The following SETBP1 variants were observed in gnomAD, a reference collection of about 807,000 sequenced individuals.
SETBP1 encodes the protein SET-binding protein.
SETBP1 carries 9 observed loss-of-function variants against 101.0 expected under a neutral mutation model. The observed-to-expected ratio is 0.09, with a 90% CI of 0.05 to 0.16. The LOEUF (loss-of-function observed/expected upper bound fraction) is 0.16. SETBP1 is among the 10% of genes least tolerant of loss of function. SETBP1 has a pLI of 1.00. For missense variants in SETBP1, 1,858 were observed against 2,033.8 expected, an observed-to-expected ratio of 0.91 and a Z score of 1.66; for synonymous variants, 818 against 788.5, an observed-to-expected ratio of 1.04 and a Z score of -0.63.
intron 2 of SETBP1, among the ~76,000 whole-genome samples, chr18:44,742,021 T>G (rs1220482066): frequency 6.6e-6 from 1 of 152,236 alleles, no homozygotes; most frequent in Non-Finnish European, 1.5e-5. Flanking sequence ...TAGACTCCCC[T>G]GTCTGGGCAG....
chr18:45,067,534 G>A lies in SETBP1; in HGVS notation c.*3836G>A, dbSNP rs373619763. On this transcript the variant is annotated 3_prime_UTR_variant, in exon 6 of 6. Coordinates refer to ENST00000649279, the MANE Select transcript of SETBP1 (RefSeq NM_015559.3). ...CGTTGCAGGATTTTCAGTCCTTCTC[G>A]TTATGTAAAAGTAGATAAATATAGA... The A allele has an allele frequency of 2.0e-5, 3 of 152,206 alleles. No homozygotes were observed. The highest frequency in any genetic ancestry group is 3.9e-4 in the East Asian group (2 of 5,178). 9.4% of individuals were successfully genotyped at this position (152,206 alleles called of 1,614,324 possible). A position where few individuals can be genotyped will look rare whatever the true frequency, so the allele number is the denominator to read the frequency against.
At chr18:44,759,697 G>T (rs757265372) in intron 2 of SETBP1, among the ~76,000 whole-genome samples, 2 of 152,206 alleles carry the variant, frequency 1.3e-5, no homozygotes, top group Non-Finnish European at 2.9e-5. Context: ...AAGGCAATTT[G>T]ATTGAAGAAC....
intron 2 of SETBP1, among the ~76,000 whole-genome samples, chr18:44,782,268 C>T (rs780066172): frequency 6.6e-6 from 1 of 151,932 alleles, no homozygotes; most frequent in Non-Finnish European, 1.5e-5. Flanking sequence ...AACTTTCACA[C>T]CCTGATAAGG....
At chr18:44,996,902 C>G (rs548743147) in intron 4 of SETBP1, among the ~76,000 whole-genome samples, 1 of 152,302 alleles carries the variant, frequency 6.6e-6, no homozygotes, top group Admixed American at 6.5e-5. Context: ...AAATAATGGA[C>G]ACTCCTGTGC....
intron 5 of SETBP1, among the ~76,000 whole-genome samples, chr18:45,043,283 C>T (rs541527963): frequency 6.6e-6 from 1 of 152,040 alleles, no homozygotes; most frequent in African/African-American, 2.4e-5. Context: ...ATCAAGGCAA[C>T]AAAATCTGTA....
intron 3 of SETBP1, among the ~76,000 whole-genome samples, chr18:44,925,021 T>TTG (rs1568219308): frequency 6.9e-6 from 1 of 144,858 alleles, no homozygotes; most frequent in African/African-American, 2.5e-5. Flanking sequence ...TTTTTTTTTT[T>TTG]TTTTTTTTTT....
At chr18:44,801,983 G>C (rs923623621) in intron 2 of SETBP1, among the ~76,000 whole-genome samples, 6 of 152,086 alleles carry the variant, frequency 3.9e-5, no homozygotes, top group African/African-American at 1.4e-4. Flanking sequence ...GTCCAGCCCA[G>C]GTTAAAGGAA....
chr18:44,934,624 G>T (rs2145010993), intron 3 of SETBP1, among the ~76,000 whole-genome samples: 1 of 152,272 alleles, frequency 6.6e-6, no homozygotes, highest in South Asian at 2.1e-4. Context: ...ACCAGGCACT[G>T]GTCAAAGTGC....
At chr18:45,045,783 C>T (rs1170121303) in intron 5 of SETBP1, among the ~76,000 whole-genome samples, 2 of 152,038 alleles carry the variant, frequency 1.3e-5, no homozygotes, top group African/African-American at 2.4e-5. Context: ...GGAGATAATC[C>T]TTGGGAAAAG....
At chr18:45,052,206 A>G (rs901501588) in intron 5 of SETBP1, among the ~76,000 whole-genome samples, 1 of 152,266 alleles carries the variant, frequency 6.6e-6, no homozygotes, top group African/African-American at 2.4e-5. Flanking sequence ...AAGAGCGTTC[A>G]TATAGATTAA....
chr18:44,833,390 G>C (rs1209055057), intron 2 of SETBP1, among the ~76,000 whole-genome samples: 2 of 152,208 alleles, frequency 1.3e-5, no homozygotes, highest in Non-Finnish European at 2.9e-5. Context: ...GTGATGATTT[G>C]CTGTGACCAG....
intron 2 of SETBP1, among the ~76,000 whole-genome samples, chr18:44,766,697 G>A (rs1196011988): frequency 2.0e-5 from 3 of 152,160 alleles, no homozygotes; most frequent in East Asian, 3.9e-4. Flanking sequence ...AATGAGCCAT[G>A]GGTGGTAGTG....
intron 2 of SETBP1, among the ~76,000 whole-genome samples, chr18:44,713,933 G>A (rs971204574): frequency 2.0e-5 from 3 of 152,148 alleles, no homozygotes; most frequent in Admixed American, 6.5e-5. Flanking sequence ...TTTAAATGTA[G>A]TTGCCCAACT....
chr18:44,952,993 G>A lies in SETBP1; in HGVS notation c.3653G>A (p.Gly1218Asp), dbSNP rs1242741032. 1.2e-6 allele frequency: 2 copies of A among 1,613,992 alleles called. No individual in the cohort carries two copies. The highest frequency in any genetic ancestry group is 1.7e-6 in the Non-Finnish European group (2 of 1,180,036). The change falls in exon 4 of 6, where the codon GGC becomes GAC. Residue 1218 changes from glycine (G) to aspartate (D), a missense_variant. Transcript: ENST00000649279. ...EKQKHQHSEAGHKASKNNFEV... is the reference protein window; with the variant it reads ...EKQKHQHSEADHKASKNNFEV... Reference sequence around the variant, plus strand: ...CAGAAGCACCAGCACAGCGAAGCCGGCCACAAAGCTTCTAAGAACAACTTT... The same window carrying A: ...CAGAAGCACCAGCACAGCGAAGCCGACCACAAAGCTTCTAAGAACAACTTT...
At chr18:44,925,443 C>T (rs532512868) in intron 3 of SETBP1, among the ~76,000 whole-genome samples, 3 of 152,210 alleles carry the variant, frequency 2.0e-5, no homozygotes, top group South Asian at 2.1e-4. Flanking sequence ...ATTTTTATAG[C>T]ACACTAAATA....
chr18:45,015,591 T>C (rs1328988171), intron 4 of SETBP1, among the ~76,000 whole-genome samples: 1 of 152,056 alleles, frequency 6.6e-6, no homozygotes. Context: ...GGTCAGAGGG[T>C]TTTTAGAGAT....
chr18:44,931,537 G>C (rs1178364785), intron 3 of SETBP1, among the ~76,000 whole-genome samples: 1 of 152,056 alleles, frequency 6.6e-6, no homozygotes, highest in Non-Finnish European at 1.5e-5. Context: ...TTGACAGTGG[G>C]GTGTTAAAGT....
chr18:44,688,975 G>C (rs1181957853), intron 1 of SETBP1, among the ~76,000 whole-genome samples: 1 of 152,214 alleles, frequency 6.6e-6, no homozygotes, highest in East Asian at 1.9e-4. Flanking sequence ...TGTGGCTTTT[G>C]CCCTGGGAGA....
At chr18:44,682,037 T>A (rs962522213) in intron 1 of SETBP1, among the ~76,000 whole-genome samples, 2 of 152,162 alleles carry the variant, frequency 1.3e-5, no homozygotes, top group Non-Finnish European at 2.9e-5. Context: ...TTCTCTTACA[T>A]CTTTTTCCTT....
Sources: gnomAD v4.1 joint callset for allele counts (sites outside exome capture counted in the v4.1 genomes callset) on GRCh38, gnomAD v4.1.1 for gene constraint, MANE v1.5 for transcripts, NCBI Gene and HGNC (gene_info 2026-07-23, HGNC 2026-07-21) for gene names.